Variants in TAF1 observed in about 807,000 individuals in gnomAD.
The protein encoded by TAF1 is transcription initiation factor TFIID subunit 1.
TAF1 carries 2 observed loss-of-function variants against 138.5 expected under a neutral mutation model. The ratio of observed to expected loss-of-function variants is 0.01; its 90% CI spans 0.01 to 0.05. TAF1 has a LOEUF of 0.05. TAF1 is among the 10% of genes least tolerant of loss of function. TAF1 has a pLI of 1.00. For missense variants in TAF1, 709 were observed against 1,478.0 expected (o/e 0.48, Z 8.53); for synonymous variants, 437 against 503.2 (o/e 0.87, Z 1.76).
chrX:71,411,209 G>A (rs1370603016), intron 28 of TAF1, among the ~76,000 whole-genome samples: 1 of 111,497 alleles, frequency 9.0e-6, no homozygotes, highest in Non-Finnish European at 1.9e-5. Flanking sequence ...AGCCTCCTAA[G>A]TAGCTGGAAC....
intron 14 of TAF1, among the ~76,000 whole-genome samples, chrX:71,385,601 G>GT (rs927440594): frequency 5.3e-4 from 58 of 110,085 alleles, no homozygotes; most frequent in Non-Finnish European, 9.9e-4. Context: ...CTCCCATCTT[G>GT]TTTTTTTTCT....
intron 22 of TAF1, 133 bp downstream of exon 22, chrX:71,394,378 G>A (rs1343416632): frequency 2.4e-6 from 2 of 834,365 alleles, no homozygotes; most frequent in African/African-American, 4.1e-5. Flanking sequence ...GTCTGTGAAT[G>A]AAGTAGAAAG....
chrX:71,472,963 T>C (rs992506699), intron 13 of TAF1, among the ~76,000 whole-genome samples: 4 of 112,308 alleles, frequency 3.6e-5, no homozygotes, highest in Non-Finnish European at 7.5e-5. Context: ...AGAAGTCCTA[T>C]GTAAACATAC....
chrX:71,489,805 G>C (rs900414012), intron 13 of TAF1, among the ~76,000 whole-genome samples: 15 of 112,376 alleles, frequency 1.3e-4, no homozygotes, highest in Non-Finnish European at 2.8e-4. Context: ...GGGCCTGGAG[G>C]AATAAATTAG....
intron 32 of TAF1, among the ~76,000 whole-genome samples, chrX:71,443,751 A>G (rs1408731704): frequency 9.0e-6 from 1 of 111,382 alleles, no homozygotes; most frequent in Non-Finnish European, 1.9e-5. Context: ...AGAGTCTCAC[A>G]CTGTCACCCA....
At chrX:71,479,205 T>C (rs1360555858) in intron 13 of TAF1, among the ~76,000 whole-genome samples, 1 of 112,043 alleles carries the variant, frequency 8.9e-6, no homozygotes, top group Non-Finnish European at 1.9e-5. Context: ...GGAAGGAAAG[T>C]TCAGAAAAAT....
chrX:71,449,001 A>AT (rs1158524309), intron 32 of TAF1, among the ~76,000 whole-genome samples: 4 of 90,341 alleles, frequency 4.4e-5, no homozygotes, highest in Non-Finnish European at 8.9e-5. Flanking sequence ...ATTTTTATTT[A>AT]TTTTTTTGTT....
intron 22 of TAF1, 42 bp downstream of exon 22, chrX:71,394,287 T>C (rs2034725320): frequency 1.7e-6 from 2 of 1,152,662 alleles, no homozygotes. Flanking sequence ...AAGAGAAGGG[T>C]TAAAAAAGGA....
At chrX:71,488,182 T>G (rs773256637) in intron 13 of TAF1, among the ~76,000 whole-genome samples, 2 of 110,002 alleles carry the variant, frequency 1.8e-5, no homozygotes, top group Non-Finnish European at 3.8e-5. Context: ...GTGTGATCTT[T>G]GAGTATTTTT....
chrX:71,496,176 G>A (rs1332384732), intron 13 of TAF1, among the ~76,000 whole-genome samples: 2 of 112,344 alleles, frequency 1.8e-5, no homozygotes, highest in Admixed American at 1.9e-4. Context: ...CACCCAGGAG[G>A]AACCATCTAT....
intron 32 of TAF1, among the ~76,000 whole-genome samples, chrX:71,430,118 C>T (rs1349259373): frequency 9.0e-6 from 1 of 111,539 alleles, no homozygotes; most frequent in Non-Finnish European, 1.9e-5. Context: ...CGGTGGCTCA[C>T]GCCTGTAATC....
chrX:71,393,618 T>G, intron 21 of TAF1, 142 bp downstream of exon 21: 1 of 882,943 alleles, frequency 1.1e-6, no homozygotes, highest in Non-Finnish European at 1.5e-6. Context: ...AGTATATGTT[T>G]GTAATCCCAC....
intron 32 of TAF1, among the ~76,000 whole-genome samples, chrX:71,443,158 C>G (rs2037513540): frequency 9.0e-6 from 1 of 111,445 alleles, no homozygotes; most frequent in African/African-American, 3.3e-5. Context: ...TTTTTTGGTT[C>G]CATATGAACT....
At chrX:71,462,606 A>G (rs984294518) in intron 37 of TAF1, among the ~76,000 whole-genome samples, 3 of 107,292 alleles carry the variant, frequency 2.8e-5, no homozygotes, top group African/African-American at 1.1e-4. Flanking sequence ...CAATAATAGT[A>G]ACTCCCCTAA....
At chrX:71,384,240 A>G (rs774292586) in intron 13 of TAF1, 105 bp downstream of exon 13, 36 of 899,475 alleles carry the variant, frequency 4.0e-5, no homozygotes, top group Non-Finnish European at 5.4e-5. Flanking sequence ...GTAGTGAGAC[A>G]AACTGCAAAC....
chrX:71,426,095 GAAA>G (rs966559126), intron 32 of TAF1, among the ~76,000 whole-genome samples: 2 of 96,295 alleles, frequency 2.1e-5, no homozygotes, highest in Admixed American at 2.2e-4. Flanking sequence ...CCCCATCTCA[GAAA>G]AAAAAAAAAA....
At chrX:71,435,053 A>T (rs1441106519) in intron 32 of TAF1, among the ~76,000 whole-genome samples, 3 of 112,418 alleles carry the variant, frequency 2.7e-5, no homozygotes, top group Non-Finnish European at 5.6e-5. Context: ...GCTAGTCATG[A>T]TGAGATTCCT....
chrX:71,453,393 C>A (rs891194570), intron 32 of TAF1, among the ~76,000 whole-genome samples: 5 of 63,527 alleles, frequency 7.9e-5, no homozygotes, highest in Admixed American at 6.0e-4. Flanking sequence ...ACCCCCCCCC[C>A]ACCCCCAATC....
At chrX:71,518,692 C>CTTTTTT (rs41486346) in intron 13 of TAF1, among the ~76,000 whole-genome samples, 23 of 79,192 alleles carry the variant, frequency 2.9e-4, no homozygotes, top group Admixed American at 4.2e-4. Context: ...TCTTTTCTTT[C>CTTTTTT]TTTTTTTTTT....
Sources: gnomAD v4.1 joint callset for allele counts (sites outside exome capture counted in the v4.1 genomes callset) on GRCh38, gnomAD v4.1.1 for gene constraint, MANE v1.5 for transcripts, NCBI Gene and HGNC (gene_info 2026-07-23, HGNC 2026-07-21) for gene names.